POU6F2: variants seen among roughly 807,000 people sequenced by gnomAD.
The protein encoded by POU6F2 is POU domain, class 6, transcription factor 2.
In POU6F2, 31 loss-of-function variants were observed where a neutral mutation model predicts 71.3. The observed-to-expected ratio is 0.43, with a 90% CI of 0.33 to 0.59. The LOEUF is 0.59. POU6F2 is among the 20% of genes least tolerant of loss of function. The pLI is 0.04. For synonymous variants in POU6F2, 347 were observed against 355.7 expected (o/e 0.98, Z 0.27); for missense variants, 783 against 856.8 (o/e 0.91, Z 1.07).
intron 1 of POU6F2, among the ~76,000 whole-genome samples, chr7:39,041,695 C>T (rs889401771): frequency 6.6e-6 from 1 of 151,580 alleles, no homozygotes; most frequent in African/African-American, 2.4e-5. Context: ...TTATTTCCAT[C>T]TTATTGATGG....
At chr7:39,333,156 C>T (rs559906792) in intron 4 of POU6F2, among the ~76,000 whole-genome samples, 1 of 152,222 alleles carries the variant, frequency 6.6e-6, no homozygotes, top group Admixed American at 6.5e-5. Context: ...CTGGGGTAGT[C>T]CTGCATAGCT....
At chr7:39,229,686 A>G (rs189122903) in intron 4 of POU6F2, among the ~76,000 whole-genome samples, 1 of 152,370 alleles carries the variant, frequency 6.6e-6, no homozygotes, top group Admixed American at 6.5e-5. Flanking sequence ...TCCAAATATT[A>G]CCTACACAAA....
intron 2 of POU6F2, among the ~76,000 whole-genome samples, chr7:39,102,962 C>T (rs1474995849): frequency 6.6e-6 from 1 of 152,174 alleles, no homozygotes; most frequent in African/African-American, 2.4e-5. Context: ...TATGGGACCA[C>T]CATGATATGT....
chr7:39,234,710 G>T (rs1449711549), intron 4 of POU6F2, among the ~76,000 whole-genome samples: 1 of 152,074 alleles, frequency 6.6e-6, no homozygotes, highest in Non-Finnish European at 1.5e-5. Context: ...TCATAGGAGC[G>T]AACTACTATT....
At chr7:39,198,043 A>G (rs1793822394) in intron 2 of POU6F2, among the ~76,000 whole-genome samples, 2 of 152,232 alleles carry the variant, frequency 1.3e-5, no homozygotes, top group African/African-American at 4.8e-5. Flanking sequence ...TTGCCAAAAT[A>G]CATTTGATGA....
chr7:39,430,003 T>C (rs1788061402), intron 6 of POU6F2, among the ~76,000 whole-genome samples: 1 of 152,178 alleles, frequency 6.6e-6, no homozygotes, highest in African/African-American at 2.4e-5. Flanking sequence ...TTGCGACCTC[T>C]GTGAAGTCAA....
chr7:39,119,347 AAACT>A (rs1400193933), intron 2 of POU6F2, among the ~76,000 whole-genome samples: 9 of 152,260 alleles, frequency 5.9e-5, no homozygotes, highest in African/African-American at 1.9e-4. Context: ...AATTACCAAC[AAACT>A]GTCAGAAATA....
At chr7:39,451,913 T>G (rs1205005439) in intron 8 of POU6F2, among the ~76,000 whole-genome samples, 1 of 152,172 alleles carries the variant, frequency 6.6e-6, no homozygotes, top group East Asian at 1.9e-4. Flanking sequence ...CAAAGCACAC[T>G]CCCTGAATTA....
chr7:39,148,410 G>C (rs115663026), intron 2 of POU6F2, among the ~76,000 whole-genome samples: 1,885 of 152,218 alleles, frequency 0.012, 43 homozygotes, highest in African/African-American at 0.042. Flanking sequence ...ATAATTTCTA[G>C]TTATCTCTGG....
intron 1 of POU6F2, among the ~76,000 whole-genome samples, chr7:39,027,262 A>G (rs1789830470): frequency 6.6e-6 from 1 of 152,188 alleles, no homozygotes; most frequent in Admixed American, 6.5e-5. Flanking sequence ...TTGATATTGC[A>G]ACTGGATATC....
intron 4 of POU6F2, among the ~76,000 whole-genome samples, chr7:39,293,097 G>A (rs1456578943): frequency 1.3e-5 from 2 of 152,170 alleles, no homozygotes; most frequent in Non-Finnish European, 2.9e-5. Context: ...TCGGTAAGCA[G>A]GGATTACACT....
intron 4 of POU6F2, among the ~76,000 whole-genome samples, chr7:39,327,960 G>T (rs12701734): frequency 6.6e-6 from 1 of 151,546 alleles, no homozygotes; most frequent in African/African-American, 2.4e-5. Flanking sequence ...TTGCTCTGTC[G>T]CCCAGGCTGG....
intron 1 of POU6F2, among the ~76,000 whole-genome samples, chr7:39,039,814 A>C (rs1047993109): frequency 2.0e-5 from 3 of 151,000 alleles, no homozygotes; most frequent in Non-Finnish European, 4.4e-5. Flanking sequence ...GGTTAGGTGG[A>C]GAGTGCATTT....
At chr7:39,031,635 C>A (rs908373041) in intron 1 of POU6F2, among the ~76,000 whole-genome samples, 1 of 152,134 alleles carries the variant, frequency 6.6e-6, no homozygotes, top group African/African-American at 2.4e-5. Context: ...GTAATCCCAG[C>A]ACTTTGGGAG....
At chr7:39,200,814 A>G (rs911478899) in intron 2 of POU6F2, among the ~76,000 whole-genome samples, 9 of 151,844 alleles carry the variant, frequency 5.9e-5, no homozygotes, top group African/African-American at 2.2e-4. Flanking sequence ...GTTCAAGACC[A>G]GTATGGGCAA....
At chr7:39,252,123 TG>T (rs1240842298) in intron 4 of POU6F2, among the ~76,000 whole-genome samples, 2 of 152,106 alleles carry the variant, frequency 1.3e-5, no homozygotes, top group Non-Finnish European at 2.9e-5. Flanking sequence ...CTCAGATCTC[TG>T]TGGAAAGATC....
intron 1 of POU6F2, among the ~76,000 whole-genome samples, chr7:39,041,270 A>G (rs898012931): frequency 1.3e-5 from 2 of 151,916 alleles, no homozygotes; most frequent in Non-Finnish European, 2.9e-5. Flanking sequence ...GCATTTTCCA[A>G]TTTTTCACTT....
At chr7:39,114,898 G>T (rs1400299883) in intron 2 of POU6F2, among the ~76,000 whole-genome samples, 1 of 152,110 alleles carries the variant, frequency 6.6e-6, no homozygotes. Context: ...ACAGATAGGT[G>T]AGCACATAGA....
chr7:38,991,642 C>T (rs1454595626), intron 1 of POU6F2, among the ~76,000 whole-genome samples: 1 of 152,202 alleles, frequency 6.6e-6, no homozygotes, highest in Non-Finnish European at 1.5e-5. Context: ...CCCAGGGGAA[C>T]AGAGTGCCTC....
Sources: gnomAD v4.1 joint callset for allele counts (sites outside exome capture counted in the v4.1 genomes callset) on GRCh38, gnomAD v4.1.1 for gene constraint, MANE v1.5 for transcripts, NCBI Gene and HGNC (gene_info 2026-07-23, HGNC 2026-07-21) for gene names.